STOML2: variants seen among roughly 807,000 people sequenced by gnomAD.
STOML2 encodes the protein stomatin like 2, also known as stomatin-like protein 2, mitochondrial.
A neutral mutation model predicts 45.7 loss-of-function variants in STOML2; 22 were observed. That is an observed-to-expected ratio of 0.48 (90% CI 0.34 to 0.69). The LOEUF (loss-of-function observed/expected upper bound fraction) is 0.69. STOML2 is among the 30% of genes least tolerant of loss of function. The pLI, the probability that STOML2 is intolerant of heterozygous loss-of-function variation, is 0.01. For missense variants in STOML2, 359 were observed against 466.9 expected, an observed-to-expected ratio of 0.77 and a Z score of 2.13; for synonymous variants, 181 against 182.7, an observed-to-expected ratio of 0.99 and a Z score of 0.08.
chr9:35,100,647 G>C lies in STOML2; in HGVS notation c.884C>G (p.Thr295Ser). ...GCCAGGGTTGGAGGGCAGTAGGATA[G>C]TGTTGGAGTCCTTGGCCAGTTTGGA... Reference protein sequence around the residue: ...AFSKLAKDSNTILLPSNPGDV... With the variant: ...AFSKLAKDSNSILLPSNPGDV... Residue 295 changes from threonine to serine, a missense_variant, in exon 9 of 10, where the codon ACT (threonine) becomes AGT (serine). Physicochemically the swap from Thr to Ser is moderately conservative, Grantham distance 58. Coordinates refer to ENST00000356493, the MANE Select transcript of STOML2 (RefSeq NM_013442.3). 6.2e-7 allele frequency: 1 copy of C among 1,614,184 alleles called. No homozygotes were observed. The highest frequency in any genetic ancestry group is 8.5e-7 in the Non-Finnish European group (1 of 1,180,024).
In STOML2 at chr9:35,102,920, C is replaced by A. The variant is rs1369532310; in HGVS notation, c.46-97G>T. 8.3e-6 allele frequency: 13 copies of A among 1,572,822 alleles called. No individual in the cohort carries two copies. Among genetic ancestry groups the A allele is most frequent in the Non-Finnish European group, 1.1e-5 (13 of 1,157,340 alleles). ...TCCATAAACCACGACCCTCAGGATC[C>A]TCGGAGAATCACATGGGGACCATGA... On this transcript the variant is annotated intron_variant, in intron 1 of 9. Transcript: ENST00000356493. The surrounding 1 kb of genome is among the most constrained non-coding windows in gnomAD (Gnocchi z 4.8).
chr9:35,101,251 G>A lies in STOML2; in HGVS notation c.608C>T (p.Thr203Ile), dbSNP rs764188592. The A allele has an allele frequency of 6.2e-7, 1 of 1,614,140 alleles. No individual in the cohort carries two copies. Among genetic ancestry groups the A allele is most frequent in the Non-Finnish European group, 8.5e-7 (1 of 1,180,032 alleles). Residue 203 changes from threonine (T) to isoleucine (I), a missense_variant, in exon 7 of 10, where the codon ACA (threonine) becomes ATA (isoleucine). Thr to Ile is a moderately conservative substitution (Grantham distance 89). This residue lies in a region of STOML2 where 285 missense variants were observed against 422.0 expected (regional missense o/e 0.68). Coordinates refer to ENST00000356493, the MANE Select transcript of STOML2 (RefSeq NM_013442.3). The surrounding 1 kb of genome is among the most constrained non-coding windows in gnomAD (Gnocchi z 4.3). ...QVEAERRKRATVLESEGTRES... is the reference protein window; with the variant it reads ...QVEAERRKRAIVLESEGTRES... Reference sequence around the variant, plus strand: ...TCGGGTCCCCTCAGACTCTAGAACTGTGGCCCGTTTCCGCCGCTCTGCCTC... The same window carrying A: ...TCGGGTCCCCTCAGACTCTAGAACTATGGCCCGTTTCCGCCGCTCTGCCTC...
Position 35,102,424 on chromosome 9 carries a change from C to A in STOML2, c.184-230G>T. On this transcript the variant is annotated intron_variant, in intron 2 of 9. Coordinates refer to ENST00000356493, the MANE Select transcript of STOML2 (RefSeq NM_013442.3). This position sits in a 1 kb window ranked among gnomAD's most constrained non-coding sequence, Gnocchi z 4.8. ...GAGGGGAGAGTCATGAGAATCGGAG[C>A]CAGCAGAATAGCCATCTCTATGCAG... is the stretch of plus-strand genomic sequence containing the variant. 2 of 658,514 alleles carry A rather than the reference C, an allele frequency of 3.0e-6. No homozygotes were observed. Among genetic ancestry groups the A allele is most frequent in the South Asian group, 3.9e-5 (2 of 51,060 alleles). The allele number at this position is 658,514 out of a possible 1,614,324, so 40.8% of individuals were successfully genotyped here.
At position 35,100,661 on chromosome 9, in the gene STOML2, G is replaced by C. The variant is rs773772067; in HGVS notation, c.870C>G (p.Ala290=). 2.6e-5 allele frequency: 42 copies of C among 1,614,032 alleles called. No individual in the cohort carries two copies. Among genetic ancestry groups the C allele is most frequent in the Middle Eastern group, 1.6e-4 (1 of 6,084 alleles). ...EQYVSAFSKL[A]KDSNTILLPS... ...GCAGTAGGATAGTGTTGGAGTCCTT[G>C]GCCAGTTTGGAGAACGCGCTGACAT... The change falls in exon 9 of 10, where the codon GCC becomes GCG. Residue 290 remains alanine, a synonymous_variant. Transcript: ENST00000356493.
Position 35,099,921 on chromosome 9 carries a change from AC to A in STOML2, c.*113del, listed in dbSNP as rs541571976. 1.5e-5 allele frequency: 20 copies of A among 1,354,656 alleles called. No homozygotes were observed. The highest frequency in any genetic ancestry group is 3.9e-4 in the Middle Eastern group (2 of 5,124). The allele number at this position is 1,354,656 out of a possible 1,614,324, so 83.9% of individuals were successfully genotyped here. A position where few individuals can be genotyped will look rare whatever the true frequency, so the allele number is the denominator to read the frequency against. On this transcript the variant is annotated 3_prime_UTR_variant, in exon 10 of 10. Transcript: ENST00000356493. ...GGTTTGCCACTGGTGAGTTTATTAC[AC>A]GACTAAAGTTCAAATAAAAAAATAA... is the stretch of plus-strand genomic sequence containing the variant.
At position 35,103,086 on chromosome 9, in the gene STOML2, C is replaced by T. The variant is rs780489024; in HGVS notation, c.9G>A (p.Ala3=). The change falls in exon 1 of 10, where the codon GCG becomes GCA. Residue 3 remains alanine (A), a synonymous_variant. Transcript: ENST00000356493. ...GGGCCCCAGTGCCCCGCGCCGCGCG[C>T]GCCAGCATTTCCCACCGCCGCAGCG... The part of the protein sequence containing the change: ML[A]RAARGTGALL... The T allele has an allele frequency of 1.9e-6, 3 of 1,613,706 alleles. No homozygotes were observed. Among genetic ancestry groups the T allele is most frequent in the Non-Finnish European group, 2.5e-6 (3 of 1,179,994 alleles).
rs1829835985 is a variant in STOML2 at position 35,102,292 on chromosome 9, G to A, written c.184-98C>T. ...TGTAGGGAGTCAACACATGGAACATGCCCAGAAAAGCAGCAGCTCCTACCA... is the reference window on the plus strand; with the variant it reads ...TGTAGGGAGTCAACACATGGAACATACCCAGAAAAGCAGCAGCTCCTACCA... On this transcript the variant is annotated intron_variant, in intron 2 of 9. Coordinates refer to ENST00000356493, the MANE Select transcript of STOML2 (RefSeq NM_013442.3). This position sits in a 1 kb window ranked among gnomAD's most constrained non-coding sequence, Gnocchi z 4.8. The A allele has an allele frequency of 1.1e-5, 11 of 1,008,608 alleles. No individual in the cohort carries two copies. The South Asian group carries it at 1.7e-4, about 15-fold the overall frequency. The allele number at this position is 1,008,608 out of a possible 1,614,324, so 62.5% of individuals were successfully genotyped here.
rs774372458 is a variant in STOML2, at chr9:35,100,153, G to A, written c.953C>T (p.Ala318Val). The A allele has an allele frequency of 6.2e-7, 1 of 1,614,186 alleles. No homozygotes were observed. Among genetic ancestry groups the A allele is most frequent in the East Asian group, 2.2e-5 (1 of 44,886 alleles). ...MVAQAMGVYG[A>V]LTKAPVPGTP... ...CCCTGGCACTGGGGCTTTGGTGAGG[G>A]CTCCATATACACCCATGGCCTGAGG... Residue 318 changes from alanine (A) to valine (V), a missense_variant, in exon 10 of 10, where the codon GCC becomes GTC. By Grantham distance (64) the Ala-to-Val change is moderately conservative (BLOSUM62 0). Coordinates refer to ENST00000356493, the MANE Select transcript of STOML2 (RefSeq NM_013442.3).
In STOML2 at chr9:35,101,863, G is replaced by A. The variant is rs1318602319; in HGVS notation, c.342+41C>T. On this transcript the variant is annotated intron_variant, in intron 4 of 9. Coordinates refer to ENST00000356493, the MANE Select transcript of STOML2 (RefSeq NM_013442.3). This position sits in a 1 kb window ranked among gnomAD's most constrained non-coding sequence, Gnocchi z 4.3. ...AGCTTGGGCACAAGATTTTAGTGAA[G>A]AGGGCAACTCAAAAGGCTGGATAAA... The A allele has an allele frequency of 1.2e-6, 2 of 1,614,128 alleles. No homozygotes were observed. The highest frequency in any genetic ancestry group is 1.1e-5 in the South Asian group (1 of 91,088).
chr9:35,099,973 A>T lies in STOML2; in HGVS notation c.*62T>A, dbSNP rs1385086071. 1 of 1,567,098 alleles carries T rather than the reference A, an allele frequency of 6.4e-7. No homozygotes were observed. The highest frequency in any genetic ancestry group is 8.7e-7 in the Non-Finnish European group (1 of 1,150,892). On this transcript the variant is annotated 3_prime_UTR_variant, in exon 10 of 10. Transcript: ENST00000356493. ...AAACCAAAATCTTGGCAGGGAAGCT[A>T]GAGCCAGAATCAGGAAAATCTGCTT...
chr9:35,100,905 C>T (rs1274446894), intron 8 of STOML2, 27 bp downstream of exon 8: 2 of 1,614,068 alleles, frequency 1.2e-6, no homozygotes, highest in South Asian at 1.1e-5. Flanking sequence ...CAATTCCTGT[C>T]CCCATTCCCA....
chr9:35,100,004 TTC>T lies in STOML2; in HGVS notation c.*29_*30del, dbSNP rs780500641. 368 of 1,600,672 alleles carry T rather than the reference TTC, an allele frequency of 2.3e-4. No homozygotes were observed. In the African/African-American group the frequency reaches 4.3e-3, roughly 18 times the overall value. ...AGAATCAGGAAAATCTGCTTCCTTG[TTC>T]CCAGACTCCCTGGCCAAGCCCAGCT... On this transcript the variant is annotated 3_prime_UTR_variant, in exon 10 of 10. Transcript: ENST00000356493.
In STOML2 at chr9:35,100,964, T is replaced by C; in HGVS notation, c.772A>G (p.Ile258Val). The change falls in exon 8 of 10, where the codon ATT (isoleucine) becomes GTT (valine). Residue 258 changes from isoleucine (I) to valine (V), a missense_variant. Physicochemically the swap from Ile to Val is conservative, Grantham distance 29. Around this residue, in one of 2 missense-constraint regions of STOML2, gnomAD observed 285 missense variants for 422.0 expected, o/e 0.68. Coordinates refer to ENST00000356493, the MANE Select transcript of STOML2 (RefSeq NM_013442.3). ...LAKAKAKAEAIRILAAALTQH... is the reference protein window; with the variant it reads ...LAKAKAKAEAVRILAAALTQH... The stretch of plus-strand genomic sequence containing the variant: ...GTCAGAGCTGCAGCCAGGATTCGAA[T>C]AGCTTCAGCTTTAGCCTTGGCCTTC... The C allele has an allele frequency of 1.9e-6, 3 of 1,614,228 alleles. No homozygotes were observed. The highest frequency in any genetic ancestry group is 2.2e-5 in the South Asian group (2 of 91,088).
chr9:35,102,474 G>T lies in STOML2; in HGVS notation c.183+212C>A. 1 of 785,442 alleles carries T rather than the reference G, an allele frequency of 1.3e-6. No individual in the cohort carries two copies. The highest frequency in any genetic ancestry group is 2.0e-6 in the Non-Finnish European group (1 of 500,480). The allele number at this position is 785,442 out of a possible 1,614,324, so 48.7% of individuals were successfully genotyped here. ...GACTGAGAGGTAGGGCTGAGAGTGGGCAGGGGAGATTCCCAAGAATGGGGC... is the reference window on the plus strand; with the variant it reads ...GACTGAGAGGTAGGGCTGAGAGTGGTCAGGGGAGATTCCCAAGAATGGGGC... On this transcript the variant is annotated intron_variant, in intron 2 of 9. Coordinates refer to ENST00000356493, the MANE Select transcript of STOML2 (RefSeq NM_013442.3). This position sits in a 1 kb window ranked among gnomAD's most constrained non-coding sequence, Gnocchi z 4.8.
At chr9:35,100,406 A>G (rs1241924167) in intron 9 of STOML2, among the ~76,000 whole-genome samples, 192 bp downstream of exon 9, 2 of 152,226 alleles carry the variant, frequency 1.3e-5, no homozygotes, top group Non-Finnish European at 2.9e-5. Context: ...AGGTATCTCA[A>G]GAACTTCCAT....
chr9:35,102,710 G>A lies in STOML2; in HGVS notation c.159C>T (p.Gly53=). The change falls in exon 2 of 10, where the codon GGC becomes GGT. Residue 53 remains glycine (G), a synonymous_variant. Transcript: ENST00000356493. The surrounding 1 kb of genome is among the most constrained non-coding windows in gnomAD (Gnocchi z 4.8). The stretch of plus-strand genomic sequence containing the variant: ...CAGGCTCCAGGATCCGGTGGAATCG[G>A]CCCATTCGCTCCACCACCCAGGCCT... ...QQEAWVVERM[G]RFHRILEPGL... is the part of the protein sequence containing the mutation. The A allele has an allele frequency of 6.2e-7, 1 of 1,613,084 alleles. No individual in the cohort carries two copies. The highest frequency in any genetic ancestry group is 8.5e-7 in the Non-Finnish European group (1 of 1,180,022).
At chr9:35,100,493 G>T in intron 9 of STOML2, 105 bp downstream of exon 9, 1 of 1,485,672 alleles carries the variant, frequency 6.7e-7, no homozygotes, top group Non-Finnish European at 9.3e-7. Flanking sequence ...TAGGGCCAAG[G>T]CACTCTGAAG....
rs913643834 is a variant in STOML2, at chr9:35,100,709, A to G, written c.822T>C (p.Ala274=). 4 of 1,614,064 alleles carry G rather than the reference A, an allele frequency of 2.5e-6. No homozygotes were observed. Among genetic ancestry groups the G allele is most frequent in the African/African-American group, 2.7e-5 (2 of 74,920 alleles). ...ALTQHNGDAA[A]SLTVAEQYVS... ...CATACTGCTCGGCCACAGTCAGTGAAGCTGCTGCATCTCCATTCTGTGATC... is the reference window on the plus strand; with the variant it reads ...CATACTGCTCGGCCACAGTCAGTGAGGCTGCTGCATCTCCATTCTGTGATC... The change falls in exon 9 of 10, where the codon GCT becomes GCC. Residue 274 remains alanine, a synonymous_variant. Coordinates refer to ENST00000356493, the MANE Select transcript of STOML2 (RefSeq NM_013442.3).
Position 35,102,889 on chromosome 9 carries a change from G to A in STOML2, c.46-66C>T, listed in dbSNP as rs1051886973. The A allele has an allele frequency of 1.5e-5, 24 of 1,592,474 alleles. No individual in the cohort carries two copies. The Admixed American group carries it at 3.8e-4, about 25-fold the overall frequency. On this transcript the variant is annotated intron_variant, in intron 1 of 9. Transcript: ENST00000356493. This position sits in a 1 kb window ranked among gnomAD's most constrained non-coding sequence, Gnocchi z 4.8. ...AGACACGCCGCCCCTCGGTCCTGAA[G>A]GCATCTCCATAAACCACGACCCTCA...
Sources: allele counts gnomAD v4.1 joint callset (sites outside exome capture counted in the v4.1 genomes callset), GRCh38; gene constraint gnomAD v4.1.1; regional missense constraint gnomAD v4.1.1; non-coding constraint Gnocchi (gnomAD v3.1); transcripts MANE v1.5; gene names NCBI Gene and HGNC (gene_info 2026-07-23, HGNC 2026-07-21).